The following DMD variants were observed in gnomAD, a reference collection of about 807,000 sequenced individuals.
The protein encoded by DMD is mutant dystrophin.
A neutral mutation model predicts 330.1 loss-of-function variants in DMD; 63 were observed. The ratio of observed to expected loss-of-function variants is 0.19; its 90% confidence interval spans 0.16 to 0.24. DMD has a LOEUF of 0.24. DMD is among the 10% of genes least tolerant of loss of function. The pLI, the probability that DMD is intolerant of heterozygous loss-of-function variation, is 1.00. For synonymous variants in DMD, 1,223 were observed against 959.8 expected, an observed-to-expected ratio of 1.27 and a Z score of -5.07; for missense variants, 3,344 against 2,684.1, an observed-to-expected ratio of 1.25 and a Z score of -5.43.
At chrX:32,765,106 T>C (rs1292075167) in intron 7 of DMD, among the ~76,000 whole-genome samples, 1 of 110,813 alleles carries the variant, frequency 9.0e-6, no homozygotes, top group African/African-American at 3.3e-5. Context: ...TAGAGAAATT[T>C]CTGATCAACT....
intron 7 of DMD, among the ~76,000 whole-genome samples, chrX:32,798,065 T>A (rs1272484774): frequency 8.9e-6 from 1 of 111,860 alleles, no homozygotes; most frequent in African/African-American, 3.2e-5. Flanking sequence ...CCATTTTCCA[T>A]AAAGTTAAAA....
At chrX:33,295,542 A>G (rs1384105351) in intron 1 of DMD, among the ~76,000 whole-genome samples, 1 of 111,540 alleles carries the variant, frequency 9.0e-6, no homozygotes, top group Admixed American at 9.6e-5. Flanking sequence ...AGTGACATAG[A>G]TATGTAAATT....
chrX:33,019,571 T>G (rs1309303836), intron 2 of DMD, among the ~76,000 whole-genome samples: 1 of 111,735 alleles, frequency 8.9e-6, no homozygotes, highest in African/African-American at 3.2e-5. Context: ...TGTGTCCACC[T>G]ATAATCATCT....
intron 2 of DMD, among the ~76,000 whole-genome samples, chrX:32,996,249 T>C (rs1166946179): frequency 9.0e-6 from 1 of 110,848 alleles, no homozygotes; most frequent in African/African-American, 3.3e-5. Context: ...AAGGTCTCAA[T>C]AGACATTTTT....
At chrX:32,991,421 G>C (rs761323823) in intron 2 of DMD, among the ~76,000 whole-genome samples, 1 of 111,763 alleles carries the variant, frequency 8.9e-6, no homozygotes, top group East Asian at 2.8e-4. Flanking sequence ...TTTTGGTGGT[G>C]ATAAAAAACA....
chrX:32,729,266 A>C (rs1473629040), intron 7 of DMD, among the ~76,000 whole-genome samples: 1 of 112,079 alleles, frequency 8.9e-6, no homozygotes, highest in African/African-American at 3.2e-5. Context: ...AAAATATCCA[A>C]AATCCAAAAC....
chrX:32,182,671 T>C (rs1180681019), intron 44 of DMD, among the ~76,000 whole-genome samples: 2 of 112,026 alleles, frequency 1.8e-5, no homozygotes, highest in Non-Finnish European at 3.8e-5. Flanking sequence ...TCTAACACAT[T>C]TTATATCTTC....
chrX:31,595,498 T>C (rs1272257929), intron 55 of DMD, among the ~76,000 whole-genome samples: 2 of 111,149 alleles, frequency 1.8e-5, no homozygotes, highest in African/African-American at 3.3e-5. Context: ...AGAAAGGACA[T>C]TGAGTAGTGC....
intron 60 of DMD, among the ~76,000 whole-genome samples, chrX:31,402,642 C>A (rs1057178498): frequency 9.0e-6 from 1 of 111,532 alleles, no homozygotes; most frequent in African/African-American, 3.3e-5. Context: ...TTTGAGGGAA[C>A]GATTTCTGAA....
At chrX:31,512,043 G>A (rs1569548414) in intron 55 of DMD, among the ~76,000 whole-genome samples, 1 of 109,766 alleles carries the variant, frequency 9.1e-6, no homozygotes, top group Admixed American at 9.7e-5. Flanking sequence ...GTGTGAGATG[G>A]TATCTCATTG....
In DMD at chrX:32,438,392, T is replaced by C; in HGVS notation, c.3922-2A>G. 1 of 1,210,759 alleles carries C rather than the reference T, an allele frequency of 8.3e-7. No individual in the cohort carries two copies. Among genetic ancestry groups the C allele is most frequent in the East Asian group, 3.0e-5 (1 of 33,742 alleles). On this transcript the variant is annotated splice_acceptor_variant, in intron 28 of 78. Transcript: ENST00000357033. LOFTEE classifies it high-confidence loss of function. ...ATGTCGCATCAAATTTTCAAGTGAC[T>C]GAAACACATTTGCAATAATTACTAT... is the stretch of plus-strand genomic sequence containing the variant.
rs748025750 is a variant in DMD, at chrX:32,609,069, C to T, written c.1482+5234G>A. ...TTTCTTAATTACCAATCTCAAGTCC[C>T]AATTGCCCAGTCCCAGAATCTATTA... On this transcript the variant is annotated intron_variant, in intron 12 of 78. Coordinates refer to ENST00000357033, the MANE Select transcript of DMD (RefSeq NM_004006.3). Among the ~76,000 whole-genome samples, 3 of 110,396 alleles carry T rather than the reference C, an allele frequency of 2.7e-5. No homozygotes were observed. The South Asian group carries it at 1.1e-3, about 42-fold the overall frequency.
At chrX:31,917,304 T>G (rs1180787372) in intron 47 of DMD, among the ~76,000 whole-genome samples, 1 of 112,180 alleles carries the variant, frequency 8.9e-6, no homozygotes, top group African/African-American at 3.2e-5. Context: ...AAACCAATCT[T>G]ACCATAGGCT....
intron 52 of DMD, among the ~76,000 whole-genome samples, chrX:31,721,451 T>C (rs1000876598): frequency 6.4e-5 from 7 of 109,524 alleles, no homozygotes; most frequent in Non-Finnish European, 1.1e-4. Context: ...AAGGAAGGAA[T>C]TCTGCTATCG....
intron 40 of DMD, 47 bp downstream of exon 40, chrX:32,343,087 T>G (rs376181480): frequency 1.9e-5 from 21 of 1,125,264 alleles, no homozygotes; most frequent in Middle Eastern, 2.4e-4. Flanking sequence ...ACAGGTTAAT[T>G]AAACTGTATA....
At chrX:31,241,014 A>C (rs2048215264) in intron 63 of DMD, among the ~76,000 whole-genome samples, 1 of 111,217 alleles carries the variant, frequency 9.0e-6, no homozygotes, top group South Asian at 3.8e-4. Flanking sequence ...ACTAAGAGAG[A>C]TAGTGTATCT....
At chrX:33,314,500 C>T (rs1350377107) in intron 1 of DMD, among the ~76,000 whole-genome samples, 3 of 107,226 alleles carry the variant, frequency 2.8e-5, no homozygotes, top group Admixed American at 1.0e-4. Context: ...TCATGTGATC[C>T]GTCCACCTTG....
chrX:33,145,205 C>T (rs1036708755), intron 1 of DMD, among the ~76,000 whole-genome samples: 6 of 111,975 alleles, frequency 5.4e-5, no homozygotes, highest in African/African-American at 1.9e-4. Flanking sequence ...CTAACTATAA[C>T]CCTAGCATTT....
In DMD at chrX:31,974,098, C is replaced by A. The variant is rs764094965; in HGVS notation, c.6439-5584G>T. 7.1e-5 allele frequency among the ~76,000 whole-genome samples: 8 copies of A among 111,998 alleles called. No homozygotes were observed. The South Asian group carries it at 1.5e-3, about 21-fold the overall frequency. On this transcript the variant is annotated intron_variant, in intron 44 of 78. Coordinates refer to ENST00000357033, the MANE Select transcript of DMD (RefSeq NM_004006.3). ...TACATAGTCATAAAAAGAATGAAAT[C>A]ATGTCCTTTGCGGAAGCACGGATGC... is the stretch of plus-strand genomic sequence containing the variant.
Sources: allele counts gnomAD v4.1 joint callset (sites outside exome capture counted in the v4.1 genomes callset), GRCh38; gene constraint gnomAD v4.1.1; transcripts MANE v1.5; gene names NCBI Gene and HGNC (gene_info 2026-07-23, HGNC 2026-07-21).